POLR3A: variants seen among roughly 807,000 people sequenced by gnomAD.
POLR3A encodes the protein DNA-directed RNA polymerase III subunit RPC1.
Under a neutral mutation model 152.8 loss-of-function variants are expected in POLR3A, and 112 were observed. The observed-to-expected ratio is 0.73, with a 90% CI of 0.63 to 0.86. POLR3A has a LOEUF of 0.86. Among genes scored for constraint, POLR3A ranks in the 40% least tolerant of loss-of-function variants. The probability of loss-of-function intolerance (pLI) is 0.00; values close to 1 mark genes in which losing one functional copy is unlikely to be tolerated. For synonymous variants in POLR3A, 615 were observed against 652.1 expected (o/e 0.94, Z 0.87); for missense variants, 1,385 against 1,743.1 (o/e 0.79, Z 3.66).
rs375123939 is a variant in POLR3A at position 78,002,005 on chromosome 10, C to CA, written c.2359+191dup. Among the ~76,000 whole-genome samples the CA allele has an allele frequency of 6.8e-4, 103 of 152,246 alleles. 1 individual carries two copies. The highest frequency in any genetic ancestry group is 2.2e-3 in the African/African-American group (92 of 41,556). ...AGCACCCTCAAACTCAGAATCCAGA[C>CA]ACATTACCAACAAGTTCCTTCAAAG... On this transcript the variant is annotated intron_variant, in intron 17 of 30. Transcript: ENST00000372371.
Position 77,986,070 on chromosome 10 carries a change from T to C in POLR3A, c.2988+3A>G. 2 of 1,588,096 alleles carry C rather than the reference T, an allele frequency of 1.3e-6. No individual in the cohort carries two copies. Among genetic ancestry groups the C allele is most frequent in the Non-Finnish European group, 1.7e-6 (2 of 1,156,330 alleles). On this transcript the variant is annotated splice_donor_region_variant and intron_variant, in intron 22 of 30. Coordinates refer to ENST00000372371, the MANE Select transcript of POLR3A (RefSeq NM_007055.4). ...GTTCTAACGCGTCTTGGAGGGATAT[T>C]ACCTCTGTTGTGCCGTTATCATTGA...
intron 5 of POLR3A, among the ~76,000 whole-genome samples, chr10:78,022,693 T>C (rs192873672): frequency 1.3e-5 from 2 of 152,138 alleles, no homozygotes; most frequent in Non-Finnish European, 2.9e-5. Flanking sequence ...TGTGACAGAA[T>C]AGGAAGGTAA....
At chr10:77,981,934 G>C (rs1223048723) in intron 28 of POLR3A, among the ~76,000 whole-genome samples, 2 of 148,486 alleles carry the variant, frequency 1.3e-5, no homozygotes, top group African/African-American at 5.0e-5. Flanking sequence ...AGCTACTCGG[G>C]AGGCTGAGGC....
chr10:78,004,808 C>G lies in POLR3A; in HGVS notation c.2155G>C (p.Ala719Pro), dbSNP rs1227001876. Residue 719 changes from alanine to proline, a missense_variant, in exon 16 of 31, where the codon GCC (alanine) becomes CCC (proline). This residue lies in a region of POLR3A where 170 missense variants were observed against 231.2 expected (regional missense o/e 0.74). Transcript: ENST00000372371. ...LLKAKYELLNAGYKKCDEYIE... is the reference protein window; with the variant it reads ...LLKAKYELLNPGYKKCDEYIE... ...TACTCATCACATTTCTTGTAGCCGG[C>G]ATTCAGCAACTCATACTTGGCCTTC... 6.2e-7 allele frequency: 1 copy of G among 1,613,918 alleles called. No homozygotes were observed. The highest frequency in any genetic ancestry group is 1.3e-5 in the African/African-American group (1 of 74,916).
chr10:78,020,287 A>C (rs1009499317), intron 8 of POLR3A: 1 of 152,076 alleles, frequency 6.6e-6, no homozygotes, highest in African/African-American at 2.4e-5. Context: ...GGAGTTCAAG[A>C]CCAGCCTGGG....
intron 10 of POLR3A, among the ~76,000 whole-genome samples, chr10:78,016,399 G>C (rs964243201): frequency 7.6e-6 from 1 of 131,158 alleles, no homozygotes; most frequent in Non-Finnish European, 1.6e-5. Context: ...CAAGACCTCA[G>C]CTCCACTTAT....
intron 10 of POLR3A, among the ~76,000 whole-genome samples, chr10:78,017,121 G>C (rs185724233): frequency 9.2e-5 from 14 of 152,022 alleles, no homozygotes; most frequent in Admixed American, 9.2e-4. Flanking sequence ...AGAAGAGGGA[G>C]ACCAATAGTT....
In POLR3A at chr10:78,010,585, T is replaced by C. The variant is rs371086740; in HGVS notation, c.1573-45A>G. 26 of 1,358,294 alleles carry C rather than the reference T, an allele frequency of 1.9e-5. No individual in the cohort carries two copies. In the African/African-American group the frequency reaches 2.4e-4, roughly 13 times the overall value. 84.1% of individuals were successfully genotyped at this position (1,358,294 alleles called of 1,614,324 possible). On this transcript the variant is annotated intron_variant, in intron 11 of 30. Transcript: ENST00000372371. ...AGTCAGTTAGCTGTTCTCGGATGCA[T>C]GATGCAGCCCAAAGCCTGAATCACA...
intron 21 of POLR3A, among the ~76,000 whole-genome samples, chr10:77,988,663 AG>A (rs1847220022): frequency 6.6e-6 from 1 of 152,228 alleles, no homozygotes; most frequent in Non-Finnish European, 1.5e-5. Flanking sequence ...AAAGCTGTAG[AG>A]GGCAGTGGGA....
intron 20 of POLR3A, among the ~76,000 whole-genome samples, chr10:77,992,245 C>T (rs1319175313): frequency 6.6e-6 from 1 of 151,382 alleles, no homozygotes; most frequent in Non-Finnish European, 1.5e-5. Flanking sequence ...CAACACTAGA[C>T]TTTCAACTGA....
chr10:78,022,458 C>T (rs759360310), intron 5 of POLR3A, 74 bp from the exon 6 acceptor site: 17 of 1,475,104 alleles, frequency 1.2e-5, no homozygotes, highest in Non-Finnish European at 1.4e-5. Flanking sequence ...TTTTCCTTCA[C>T]TATGTTTTCT....
At chr10:77,996,308 G>A (rs1258345063) in intron 19 of POLR3A, among the ~76,000 whole-genome samples, 1 of 152,102 alleles carries the variant, frequency 6.6e-6, no homozygotes, top group Non-Finnish European at 1.5e-5. Context: ...AAATAACTAA[G>A]ATCAGAGCAG....
In POLR3A at chr10:78,025,754, C is replaced by T. The variant is rs140901011; in HGVS notation, c.186G>A (p.Thr62=). ...TTTCACATGGACGATCCTTCTCACT[C>T]GTACCCTTTGAAAAAAAGCACACCC... ...LYGVLDHRMG[T]SEKDRPCETC... Residue 62 remains threonine (T), a synonymous_variant, in exon 3 of 31, where the codon ACG becomes ACA. Transcript: ENST00000372371. The T allele has an allele frequency of 5.2e-4, 838 of 1,614,068 alleles. No homozygotes were observed. Among genetic ancestry groups the T allele is most frequent in the Non-Finnish European group, 6.1e-4 (715 of 1,179,954 alleles).
At chr10:78,029,254 C>A in intron 1 of POLR3A, 110 bp downstream of exon 1, 1 of 1,062,620 alleles carries the variant, frequency 9.4e-7, no homozygotes, top group Admixed American at 1.7e-5. Context: ...GGACTACTGG[C>A]CCTCCCCTTC....
At chr10:78,024,288 T>C (rs1476151820) in intron 5 of POLR3A, among the ~76,000 whole-genome samples, 1 of 147,852 alleles carries the variant, frequency 6.8e-6, no homozygotes, top group Admixed American at 7.0e-5. Flanking sequence ...CGTTTTAACC[T>C]GGGATGCACA....
intron 15 of POLR3A, among the ~76,000 whole-genome samples, chr10:78,006,745 A>G (rs934964795): frequency 2.0e-5 from 3 of 152,220 alleles, no homozygotes; most frequent in African/African-American, 7.2e-5. Context: ...GTGAATGAAA[A>G]AAGACCCACA....
Position 78,026,148 on chromosome 10 carries a change from G to C in POLR3A, c.126C>G (p.Tyr42Ter), listed in dbSNP as rs1564624254. ...AHIQVVSKNLYSQDNQHAPLL... is the reference protein window; with the variant it reads ...AHIQVVSKNL ...AGGGGGCATGTTGGTTGTCCTGGCTGTACAGGTTCTTACTCACAACTTGGA... is the reference window on the plus strand; with the variant it reads ...AGGGGGCATGTTGGTTGTCCTGGCTCTACAGGTTCTTACTCACAACTTGGA... Residue 42 changes from tyrosine to a stop codon, truncating the protein, a stop_gained, in exon 2 of 31, where the codon TAC (tyrosine) becomes TAG (stop). Coordinates refer to ENST00000372371, the MANE Select transcript of POLR3A (RefSeq NM_007055.4). LOFTEE classifies it high-confidence loss of function. 3 of 1,614,222 alleles carry C rather than the reference G, an allele frequency of 1.9e-6. No homozygotes were observed. Among genetic ancestry groups the C allele is most frequent in the Non-Finnish European group, 2.5e-6 (3 of 1,180,026 alleles).
Position 78,024,605 on chromosome 10 carries a change from A to G in POLR3A, c.589T>C (p.Phe197Leu), listed in dbSNP as rs112779671. The change falls in exon 5 of 31, where the codon TTT (phenylalanine) becomes CTT (leucine). Residue 197 changes from phenylalanine to leucine, a missense_variant. Phe to Leu is a conservative substitution (Grantham distance 22). Transcript: ENST00000372371. ...DPIVSNFLQSFETAIEHNKEV... is the reference protein window; with the variant it reads ...DPIVSNFLQSLETAIEHNKEV... Reference sequence around the variant, plus strand: ...TTATTATGTTCAATGGCTGTTTCAAAAGACTGAAGGAAATTTGATACAATG... The same window carrying G: ...TTATTATGTTCAATGGCTGTTTCAAGAGACTGAAGGAAATTTGATACAATG... The G allele has an allele frequency of 1.9e-6, 3 of 1,614,124 alleles. No individual in the cohort carries two copies. The highest frequency in any genetic ancestry group is 2.5e-6 in the Non-Finnish European group (3 of 1,180,008).
At chr10:77,988,630 T>A (rs1847219778) in intron 21 of POLR3A, among the ~76,000 whole-genome samples, 1 of 152,200 alleles carries the variant, frequency 6.6e-6, no homozygotes, top group African/African-American at 2.4e-5. Flanking sequence ...ACAGTTACCT[T>A]TTGCAAACCA....
Sources: gnomAD v4.1 joint callset for allele counts (sites outside exome capture counted in the v4.1 genomes callset) on GRCh38, gnomAD v4.1.1 for gene constraint, gnomAD v4.1.1 regional missense constraint, MANE v1.5 for transcripts, NCBI Gene and HGNC (gene_info 2026-07-23, HGNC 2026-07-21) for gene names.